The following CSMD1 variants were observed in gnomAD, a reference collection of about 807,000 sequenced individuals.
CSMD1 encodes CUB and sushi domain-containing protein 1.
CSMD1 carries 213 observed loss-of-function variants against 417.5 expected under a neutral mutation model. The observed-to-expected ratio is 0.51, with a 90% confidence interval of 0.46 to 0.57. The LOEUF (loss-of-function observed/expected upper bound fraction) is 0.57, where lower values mean the gene tolerates loss of function less well. Among genes scored for constraint, CSMD1 ranks in the 20% least tolerant of loss-of-function variants. The pLI, the probability that CSMD1 is intolerant of heterozygous loss-of-function variation, is 0.00. For synonymous variants in CSMD1, 2,862 were observed against 1,736.8 expected, an observed-to-expected ratio of 1.65 and a Z score of -16.11; for missense variants, 6,923 against 4,529.7, an observed-to-expected ratio of 1.53 and a Z score of -15.17.
chr8:3,396,712 A>G (rs7018302), intron 16 of CSMD1, among the ~76,000 whole-genome samples: 80,087 of 151,870 alleles, frequency 0.53, 21,345 homozygotes, highest in Middle Eastern at 0.61. Flanking sequence ...TAGATAGACA[A>G]ATAGATTATT....
chr8:3,116,731 T>C (rs1293485737), intron 42 of CSMD1, among the ~76,000 whole-genome samples: 1 of 152,102 alleles, frequency 6.6e-6, no homozygotes, highest in East Asian at 1.9e-4. Flanking sequence ...AGCAATAAAA[T>C]CAAATTAAAT....
intron 3 of CSMD1, among the ~76,000 whole-genome samples, chr8:4,126,587 T>C (rs370890536): frequency 1.3e-5 from 2 of 152,290 alleles, no homozygotes; most frequent in East Asian, 1.9e-4. Context: ...ACGGGCCACC[T>C]TCTGCTGTCT....
intron 3 of CSMD1, among the ~76,000 whole-genome samples, chr8:4,287,249 T>A (rs554618636): frequency 2.0e-5 from 3 of 152,208 alleles, no homozygotes; most frequent in Non-Finnish European, 4.4e-5. Flanking sequence ...TTCTAAAAGA[T>A]TCCCCCTCAC....
At chr8:4,922,282 A>G (rs1195028886) in intron 1 of CSMD1, among the ~76,000 whole-genome samples, 1 of 152,196 alleles carries the variant, frequency 6.6e-6, no homozygotes, top group Non-Finnish European at 1.5e-5. Context: ...GTTTAAAGGT[A>G]TAAATAGGCA....
intron 3 of CSMD1, among the ~76,000 whole-genome samples, chr8:4,173,755 C>G (rs1797891234): frequency 6.6e-6 from 1 of 151,928 alleles, no homozygotes; most frequent in Admixed American, 6.6e-5. Flanking sequence ...AACTTATTTT[C>G]AATATTAAAA....
chr8:3,416,035 C>G (rs1321217831), intron 12 of CSMD1, among the ~76,000 whole-genome samples: 1 of 152,238 alleles, frequency 6.6e-6, no homozygotes, highest in Non-Finnish European at 1.5e-5. Flanking sequence ...GGCGCGGCGG[C>G]TCACACCTGT....
At chr8:3,385,882 G>C (rs922013317) in intron 18 of CSMD1, among the ~76,000 whole-genome samples, 8 of 151,938 alleles carry the variant, frequency 5.3e-5, no homozygotes, top group East Asian at 1.9e-4. Context: ...GGTATGCATA[G>C]TCCATGTTGC....
At chr8:4,189,173 C>A (rs1028730668) in intron 3 of CSMD1, among the ~76,000 whole-genome samples, 1 of 152,220 alleles carries the variant, frequency 6.6e-6, no homozygotes, top group Admixed American at 6.5e-5. Flanking sequence ...AAGGTGCACA[C>A]ACAGCACGTA....
intron 2 of CSMD1, among the ~76,000 whole-genome samples, chr8:4,604,299 A>G (rs866791491): frequency 1.3e-5 from 2 of 151,768 alleles, no homozygotes; most frequent in Admixed American, 6.6e-5. Context: ...TGGTGTCTAT[A>G]TAACAGGAAT....
At chr8:3,373,050 C>T (rs533076087) in intron 18 of CSMD1, among the ~76,000 whole-genome samples, 1 of 152,284 alleles carries the variant, frequency 6.6e-6, no homozygotes, top group Admixed American at 6.5e-5. Context: ...GAATGTAAAA[C>T]ATTTTATGTA....
chr8:3,301,245 G>C (rs4626625), intron 25 of CSMD1, among the ~76,000 whole-genome samples: 133,162 of 152,040 alleles, frequency 0.88, 58,767 homozygotes, highest in Middle Eastern at 0.94. Context: ...GCAAGGCAGC[G>C]TTTGCAGGGT....
At chr8:3,653,930 T>C (rs1442844506) in intron 7 of CSMD1, among the ~76,000 whole-genome samples, 2 of 152,228 alleles carry the variant, frequency 1.3e-5, no homozygotes, top group Non-Finnish European at 2.9e-5. Flanking sequence ...TGTCTGAAAC[T>C]GACAAGTTTC....
intron 6 of CSMD1, among the ~76,000 whole-genome samples, chr8:3,713,751 T>C (rs578013766): frequency 6.6e-6 from 1 of 152,230 alleles, no homozygotes; most frequent in Non-Finnish European, 1.5e-5. Flanking sequence ...GAGATGCCAT[T>C]GCAAATCCTC....
At chr8:4,420,095 G>A (rs767987945) in intron 2 of CSMD1, 30 bp from the exon 3 acceptor site, 2 of 1,469,488 alleles carry the variant, frequency 1.4e-6, no homozygotes, top group Non-Finnish European at 1.9e-6. Flanking sequence ...CACAAAGAGA[G>A]TTAAAAGCAT....
At chr8:3,475,850 G>C (rs1817374531) in intron 11 of CSMD1, among the ~76,000 whole-genome samples, 3 of 152,180 alleles carry the variant, frequency 2.0e-5, no homozygotes, top group Admixed American at 2.0e-4. Context: ...AACTCTTTGA[G>C]AGTGTAACTA....
At chr8:3,806,601 T>C (rs115704733) in intron 5 of CSMD1, among the ~76,000 whole-genome samples, 2,262 of 152,284 alleles carry the variant, frequency 0.015, 57 homozygotes, top group African/African-American at 0.051. Context: ...CCCAGAGTAG[T>C]AGGAACAACA....
At chr8:4,223,287 C>G (rs1801149062) in intron 3 of CSMD1, among the ~76,000 whole-genome samples, 1 of 152,160 alleles carries the variant, frequency 6.6e-6, no homozygotes, top group African/African-American at 2.4e-5. Context: ...GACTTTTTGC[C>G]TCGAAATTCA....
chr8:4,148,509 A>G (rs1796398102), intron 3 of CSMD1, among the ~76,000 whole-genome samples: 1 of 148,030 alleles, frequency 6.8e-6, no homozygotes, highest in Admixed American at 6.7e-5. Context: ...CCTAAAACTT[A>G]AAGTATAATT....
At chr8:3,997,227 T>C (rs1815286028) in intron 5 of CSMD1, among the ~76,000 whole-genome samples, 1 of 152,252 alleles carries the variant, frequency 6.6e-6, no homozygotes, top group African/African-American at 2.4e-5. Flanking sequence ...GCTATGTTTT[T>C]AAGTCTCTCA....
Sources: allele counts gnomAD v4.1 joint callset (sites outside exome capture counted in the v4.1 genomes callset), GRCh38; gene constraint gnomAD v4.1.1; transcripts MANE v1.5; gene names NCBI Gene and HGNC (gene_info 2026-07-23, HGNC 2026-07-21).